The following NAV3 variants were observed in gnomAD, a reference collection of about 807,000 sequenced individuals.
NAV3 encodes neuron navigator 3.
NAV3 carries 87 observed loss-of-function variants against 244.7 expected under a neutral mutation model. The observed-to-expected ratio is 0.36, with a 90% CI of 0.30 to 0.42. The LOEUF is 0.42. Among genes scored for constraint, NAV3 ranks in the 20% least tolerant of loss-of-function variants. The pLI, the probability that NAV3 is intolerant of heterozygous loss-of-function variation, is 1.00. For synonymous variants in NAV3, 1,126 were observed against 1,042.2 expected, an observed-to-expected ratio of 1.08 and a Z score of -1.55; for missense variants, 2,663 against 2,893.3, an observed-to-expected ratio of 0.92 and a Z score of 1.83.
At chr12:78,028,989 G>A (rs1878529677) in intron 9 of NAV3, among the ~76,000 whole-genome samples, 1 of 152,112 alleles carries the variant, frequency 6.6e-6, no homozygotes, top group Non-Finnish European at 1.5e-5. Flanking sequence ...TTCAAAAGGA[G>A]TTTAGCATGA....
intron 9 of NAV3, among the ~76,000 whole-genome samples, chr12:78,049,162 G>A (rs1014741084): frequency 2.0e-5 from 3 of 152,192 alleles, no homozygotes; most frequent in Non-Finnish European, 4.4e-5. Context: ...GGCTCCACAG[G>A]GGTGGGATCC....
At chr12:77,914,458 G>A (rs927525584) in intron 1 of NAV3, among the ~76,000 whole-genome samples, 3 of 152,014 alleles carry the variant, frequency 2.0e-5, no homozygotes, top group Non-Finnish European at 4.4e-5. Flanking sequence ...ATGTTTCCAT[G>A]TCATGAAATG....
intron 2 of NAV3, among the ~76,000 whole-genome samples, chr12:77,820,124 C>T (rs1048979006): frequency 6.6e-6 from 1 of 151,612 alleles, no homozygotes; most frequent in Non-Finnish European, 1.5e-5. Flanking sequence ...ACGCACTATT[C>T]TGGTAAGAAG....
chr12:77,674,450 A>G (rs191842934), intron 2 of NAV3, among the ~76,000 whole-genome samples: 3 of 152,042 alleles, frequency 2.0e-5, no homozygotes, highest in African/African-American at 7.2e-5. Flanking sequence ...TGGCACGATC[A>G]TGGCTCACTG....
intron 5 of NAV3, among the ~76,000 whole-genome samples, chr12:77,986,920 A>C (rs943182673): frequency 6.6e-6 from 1 of 152,170 alleles, no homozygotes; most frequent in African/African-American, 2.4e-5. Context: ...TGGATGTGGG[A>C]GTGGCTAATT....
At chr12:78,148,780 A>T (rs1956962294) in intron 21 of NAV3, 62 bp from the exon 22 acceptor site, 2 of 1,462,648 alleles carry the variant, frequency 1.4e-6, no homozygotes, top group Admixed American at 3.7e-5. Flanking sequence ...TCTTGGTTTG[A>T]ATTCTGGGTT....
At chr12:77,694,976 T>C (rs1217541854) in intron 2 of NAV3, among the ~76,000 whole-genome samples, 1 of 152,190 alleles carries the variant, frequency 6.6e-6, no homozygotes, top group African/African-American at 2.4e-5. Flanking sequence ...GGGTGGAGGA[T>C]AATCCTTACA....
chr12:78,206,165 A>C (rs1004649239), intron 39 of NAV3, among the ~76,000 whole-genome samples: 1 of 149,818 alleles, frequency 6.7e-6, no homozygotes, highest in Non-Finnish European at 1.5e-5. Flanking sequence ...AAATCACTGA[A>C]GTATATATAT....
intron 1 of NAV3, among the ~76,000 whole-genome samples, chr12:77,866,938 G>T (rs763998477): frequency 1.4e-4 from 21 of 152,068 alleles, no homozygotes; most frequent in Non-Finnish European, 2.4e-4. Flanking sequence ...GAATATTCTA[G>T]AGTATTAGAA....
At chr12:78,008,787 A>G (rs1269394) in intron 8 of NAV3, among the ~76,000 whole-genome samples, 90,757 of 151,950 alleles carry the variant, frequency 0.6, 27,417 homozygotes, top group East Asian at 0.75. Context: ...TCTGACTTCA[A>G]TAGTACTAAC....
At chr12:77,909,449 G>T (rs890768241) in intron 1 of NAV3, among the ~76,000 whole-genome samples, 4 of 150,846 alleles carry the variant, frequency 2.7e-5, no homozygotes, top group Non-Finnish European at 5.9e-5. Context: ...CAAAAAAAAA[G>T]GGAAGAAAGA....
intron 12 of NAV3, among the ~76,000 whole-genome samples, chr12:78,075,220 A>G (rs1356045572): frequency 2.6e-5 from 4 of 152,182 alleles, no homozygotes; most frequent in Non-Finnish European, 5.9e-5. Flanking sequence ...ATAATTTAAC[A>G]TAATTAATCA....
intron 1 of NAV3, among the ~76,000 whole-genome samples, chr12:77,931,509 A>G (rs555419148): frequency 5.2e-4 from 79 of 152,132 alleles, no homozygotes; most frequent in African/African-American, 1.7e-3. Flanking sequence ...ATTTTATTTC[A>G]GAGAATTTTA....
chr12:78,006,974 G>T lies in NAV3; in HGVS notation c.1436G>T (p.Cys479Phe), dbSNP rs1298332733. 1 of 1,613,914 alleles carries T rather than the reference G, an allele frequency of 6.2e-7. No homozygotes were observed. Among genetic ancestry groups the T allele is most frequent in the African/African-American group, 1.3e-5 (1 of 74,880 alleles). ...EEKNRDKNKV[C>F]TEKPVKEEKD... The stretch of plus-strand genomic sequence containing the variant: ...AAGAACAGGGACAAAAATAAAGTTT[G>T]CACTGAAAAACCAGTCAAAGAAGAG... The change falls in exon 8 of 40, where the codon TGC (cysteine) becomes TTC (phenylalanine). Residue 479 changes from cysteine to phenylalanine, a missense_variant. Cys to Phe is a radical substitution (Grantham distance 205). Transcript: ENST00000397909.
chr12:77,662,808 A>G (rs772389803), intron 2 of NAV3, among the ~76,000 whole-genome samples: 2 of 152,152 alleles, frequency 1.3e-5, no homozygotes, highest in Non-Finnish European at 2.9e-5. Flanking sequence ...AAAAAAAAGA[A>G]CACAGAAATT....
intron 2 of NAV3, among the ~76,000 whole-genome samples, chr12:77,587,123 T>A (rs1869651911): frequency 6.6e-6 from 1 of 152,298 alleles, no homozygotes. Flanking sequence ...TTTTGCATCA[T>A]CTATGTAAAA....
chr12:77,577,264 C>G (rs186726477), intron 2 of NAV3, among the ~76,000 whole-genome samples: 4 of 152,218 alleles, frequency 2.6e-5, no homozygotes, highest in Admixed American at 2.0e-4. Context: ...CTGGCATCCT[C>G]TAAGGATGAA....
At chr12:78,087,733 G>C (rs1953710472) in intron 12 of NAV3, among the ~76,000 whole-genome samples, 1 of 151,902 alleles carries the variant, frequency 6.6e-6, no homozygotes, top group African/African-American at 2.4e-5. Context: ...TATTCCTTCA[G>C]TGTTTTAGAA....
chr12:77,687,714 G>A (rs1454600429), intron 2 of NAV3, among the ~76,000 whole-genome samples: 1 of 152,046 alleles, frequency 6.6e-6, no homozygotes, highest in Non-Finnish European at 1.5e-5. Flanking sequence ...AAGTTCACAA[G>A]TAATATAAAC....
Sources: allele counts gnomAD v4.1 joint callset (sites outside exome capture counted in the v4.1 genomes callset), GRCh38; gene constraint gnomAD v4.1.1; transcripts MANE v1.5; gene names NCBI Gene and HGNC (gene_info 2026-07-23, HGNC 2026-07-21).